Variants in MFSD2A observed in about 807,000 individuals in gnomAD.
The protein encoded by MFSD2A is sodium-dependent lysophosphatidylcholine symporter 1.
A neutral mutation model predicts 64.7 loss-of-function variants in MFSD2A; 27 were observed. That is an observed-to-expected ratio of 0.42 (90% confidence interval 0.31 to 0.58). The LOEUF is 0.58. Ranked by LOEUF, MFSD2A falls within the 20% of genes least tolerant of loss-of-function variation. The probability of loss-of-function intolerance (pLI) is 0.18; values close to 1 mark genes in which losing one functional copy is unlikely to be tolerated. For missense variants in MFSD2A, 474 were observed against 679.5 expected (o/e 0.70, Z 3.36); for synonymous variants, 258 against 273.4 (o/e 0.94, Z 0.55).
In MFSD2A at chr1:39,968,328, G is replaced by A. The variant is rs1645207643; in HGVS notation, c.1209-6G>A. The A allele has an allele frequency of 9.9e-6, 16 of 1,614,118 alleles. No individual in the cohort carries two copies. Among genetic ancestry groups the A allele is most frequent in the Non-Finnish European group, 1.4e-5 (16 of 1,180,010 alleles). ...CAGTCCTCATGGCTGTCACTACTCTGCGCAGGTCCATGCTGCCTGATGTCA... is the reference window on the plus strand; with the variant it reads ...CAGTCCTCATGGCTGTCACTACTCTACGCAGGTCCATGCTGCCTGATGTCA... On this transcript the variant is annotated splice_region_variant and splice_polypyrimidine_tract_variant and intron_variant, in intron 11 of 13. Coordinates refer to ENST00000372811, the MANE Select transcript of MFSD2A (RefSeq NM_032793.5). The surrounding 1 kb of genome is among the most constrained non-coding windows in gnomAD (Gnocchi z 4.4).
Position 39,964,939 on chromosome 1 carries a change from G to C in MFSD2A, c.354-272G>C, listed in dbSNP as rs1645125022. The C allele has an allele frequency of 7.9e-6, 4 of 505,372 alleles. No individual in the cohort carries two copies. The highest frequency in any genetic ancestry group is 1.1e-5 in the Non-Finnish European group (3 of 278,808). The allele number at this position is 505,372 out of a possible 1,614,324, so 31.3% of individuals were successfully genotyped here. On this transcript the variant is annotated intron_variant, in intron 3 of 13. Coordinates refer to ENST00000372811, the MANE Select transcript of MFSD2A (RefSeq NM_032793.5). This position sits in a 1 kb window ranked among gnomAD's most constrained non-coding sequence, Gnocchi z 4.1. The stretch of plus-strand genomic sequence containing the variant: ...TCCTGTCCTAACTCTCAGCCCATTA[G>C]AGGCTGCTGCCTCTGGACTAGACTC...
chr1:39,969,412 C>T, intron 13 of MFSD2A, 93 bp from the exon 14 acceptor site: 1 of 1,109,420 alleles, frequency 9.0e-7, no homozygotes, highest in East Asian at 2.6e-5. Context: ...AGTCCGACAG[C>T]AGGGCCAAGA....
chr1:39,962,664 C>T (rs963193660), intron 3 of MFSD2A: 116 of 786,764 alleles, frequency 1.5e-4, no homozygotes, highest in Non-Finnish European at 1.9e-4. Flanking sequence ...GGGTCATGGC[C>T]GTGGACGGGG....
chr1:39,955,945 TG>T lies in MFSD2A; in HGVS notation c.93+564del, dbSNP rs140696582. 0.18 allele frequency: 32,718 copies of T among 182,388 alleles called. 3,845 individuals are homozygous for T. The highest frequency in any genetic ancestry group is 0.25 in the Non-Finnish European group (20,955 of 84,550). 11.3% of individuals were successfully genotyped at this position (182,388 alleles called of 1,614,324 possible). ...AGACCATCGACCACATCCCCAGCCC[TG>T]GGGACTTATTGAAGGACCAAATAAA... On this transcript the variant is annotated intron_variant, in intron 1 of 13. Coordinates refer to ENST00000372811, the MANE Select transcript of MFSD2A (RefSeq NM_032793.5). The surrounding 1 kb of genome is among the most constrained non-coding windows in gnomAD (Gnocchi z 5.9).
rs202159184 is a variant in MFSD2A, at chr1:39,968,543, G to A, written c.1353-26G>A. 1,185 of 1,613,788 alleles carry A rather than the reference G, an allele frequency of 7.3e-4. 6 individuals carry two copies. Among genetic ancestry groups the A allele is most frequent in the East Asian group, 3.8e-4 (17 of 44,860 alleles). On this transcript the variant is annotated intron_variant, in intron 12 of 13. Coordinates refer to ENST00000372811, the MANE Select transcript of MFSD2A (RefSeq NM_032793.5). The surrounding 1 kb of genome is among the most constrained non-coding windows in gnomAD (Gnocchi z 4.4). ...AGGCCCCAGGTGCCCCATCTTCACC[G>A]TTCTCCTACCCCCTGGGTCCCATAG...
At position 39,965,769 on chromosome 1, in the gene MFSD2A, C is replaced by T. The variant is rs896903352; in HGVS notation, c.557-88C>T. Reference sequence around the variant, plus strand: ...CTACCTCTACCCACCCTGCCTGGAGCTACCGCTGGGCTCCCACCCATTTGA... The same window carrying T: ...CTACCTCTACCCACCCTGCCTGGAGTTACCGCTGGGCTCCCACCCATTTGA... On this transcript the variant is annotated intron_variant, in intron 5 of 13. Coordinates refer to ENST00000372811, the MANE Select transcript of MFSD2A (RefSeq NM_032793.5). The surrounding 1 kb of genome is among the most constrained non-coding windows in gnomAD (Gnocchi z 5.5). The T allele has an allele frequency of 6.5e-7, 1 of 1,542,732 alleles. No homozygotes were observed.
chr1:39,959,742 G>A (rs1332102673), intron 3 of MFSD2A, among the ~76,000 whole-genome samples: 1 of 151,964 alleles, frequency 6.6e-6, no homozygotes, highest in Non-Finnish European at 1.5e-5. Flanking sequence ...TCATAAGGTT[G>A]ATGTAATTTT....
Position 39,968,798 on chromosome 1 carries a change from C to A in MFSD2A, c.1529+53C>A, listed in dbSNP as rs1645220544. Reference sequence around the variant, plus strand: ...AGGAGGGGACGTCACTGTGTCTAAACCCTCAATTTGTGTCTCCTGTGGCCA... The same window carrying A: ...AGGAGGGGACGTCACTGTGTCTAAAACCTCAATTTGTGTCTCCTGTGGCCA... On this transcript the variant is annotated intron_variant, in intron 13 of 13. Coordinates refer to ENST00000372811, the MANE Select transcript of MFSD2A (RefSeq NM_032793.5). This position sits in a 1 kb window ranked among gnomAD's most constrained non-coding sequence, Gnocchi z 4.4. The A allele has an allele frequency of 3.8e-6, 6 of 1,595,746 alleles. No homozygotes were observed. The highest frequency in any genetic ancestry group is 5.1e-6 in the Non-Finnish European group (6 of 1,170,010).
chr1:39,969,068 T>C (rs1570265148), intron 13 of MFSD2A, among the ~76,000 whole-genome samples: 1 of 152,078 alleles, frequency 6.6e-6, no homozygotes, highest in East Asian at 1.9e-4. Flanking sequence ...GTTCTTAGGG[T>C]TCCCCCTCTG....
intron 6 of MFSD2A, among the ~76,000 whole-genome samples, 172 bp from the exon 7 acceptor site, chr1:39,966,429 C>G (rs1236970639): frequency 1.3e-5 from 2 of 152,136 alleles, no homozygotes; most frequent in Non-Finnish European, 2.9e-5. Flanking sequence ...AACTGTCCAG[C>G]CTTGGGAAGC....
Position 39,969,508 on chromosome 1 carries a change from C to T in MFSD2A, c.1533C>T (p.Asp511=), listed in dbSNP as rs138442381. The T allele has an allele frequency of 1.8e-4, 287 of 1,597,914 alleles. 1 individual carries two copies. The African/African-American group carries it at 2.0e-3, about 11-fold the overall frequency. Residue 511 remains aspartate (D), a synonymous_variant, in exon 14 of 14, where the codon GAC becomes GAT. Transcript: ENST00000372811. ...QNKKALQALR[D]EASSSGCSET... Reference sequence around the variant, plus strand: ...CCATCTCCTCTCTCTCTTGCAGGGACGAGGCCAGCAGCTCTGGCTGCTCAG... The same window carrying T: ...CCATCTCCTCTCTCTCTTGCAGGGATGAGGCCAGCAGCTCTGGCTGCTCAG...
In MFSD2A at chr1:39,965,582, C is replaced by T. The variant is rs1203698383; in HGVS notation, c.556+33C>T. The T allele has an allele frequency of 1.2e-6, 2 of 1,602,736 alleles. No homozygotes were observed. The highest frequency in any genetic ancestry group is 1.7e-6 in the Non-Finnish European group (2 of 1,169,932). ...TCCCCAGCCCACCTGACCCCACCCT[C>T]CAGGGACCCTCCAGCCATACTTCTT... On this transcript the variant is annotated intron_variant, in intron 5 of 13. Coordinates refer to ENST00000372811, the MANE Select transcript of MFSD2A (RefSeq NM_032793.5). The surrounding 1 kb of genome is among the most constrained non-coding windows in gnomAD (Gnocchi z 5.5).
chr1:39,961,351 T>G (rs1381584819), intron 3 of MFSD2A, among the ~76,000 whole-genome samples: 5 of 43,730 alleles, frequency 1.1e-4, no homozygotes, highest in African/African-American at 4.5e-4. Context: ...CCCCCGCTTT[T>G]TTTGTTTGTT....
Position 39,955,414 on chromosome 1 carries a change from C to T in MFSD2A, c.93+29C>T, listed in dbSNP as rs1184026698. ...AGGGCCCGGCACCCCGCGTGGAGGGCGAGGGGAGGGAGGAGGCGGAAATGG... is the reference window on the plus strand; with the variant it reads ...AGGGCCCGGCACCCCGCGTGGAGGGTGAGGGGAGGGAGGAGGCGGAAATGG... On this transcript the variant is annotated intron_variant, in intron 1 of 13. Transcript: ENST00000372811. The surrounding 1 kb of genome is among the most constrained non-coding windows in gnomAD (Gnocchi z 5.9). The T allele has an allele frequency of 1.3e-6, 2 of 1,505,048 alleles. No homozygotes were observed. The highest frequency in any genetic ancestry group is 2.2e-5 in the Admixed American group (1 of 44,534). 93.2% of individuals were successfully genotyped at this position (1,505,048 alleles called of 1,614,324 possible). A position where few individuals can be genotyped will look rare whatever the true frequency, so the allele number is the denominator to read the frequency against.
chr1:39,963,458 T>G lies in MFSD2A; in HGVS notation c.354-1753T>G. 1 of 541,974 alleles carries G rather than the reference T, an allele frequency of 1.8e-6. No homozygotes were observed. The allele number at this position is 541,974 out of a possible 1,614,324, so 33.6% of individuals were successfully genotyped here. On this transcript the variant is annotated intron_variant, in intron 3 of 13. Coordinates refer to ENST00000372811, the MANE Select transcript of MFSD2A (RefSeq NM_032793.5). The surrounding 1 kb of genome is among the most constrained non-coding windows in gnomAD (Gnocchi z 4.2). ...TTAAGCCTGTTAAAAAAAAAATGTT[T>G]ACGAGACAGAGTCTTGCTATGTTGC...
rs1194438118 is a variant in MFSD2A, at chr1:39,960,131, G to A, written c.353+1306G>A. ...ACTCAGCTTCAGGGGCAAAGTAGGC[G>A]GAGGTGGTGCCACGGATCGGATCAG... On this transcript the variant is annotated intron_variant, in intron 3 of 13. Transcript: ENST00000372811. This position sits in a 1 kb window ranked among gnomAD's most constrained non-coding sequence, Gnocchi z 4.8. Among the ~76,000 whole-genome samples, 1 of 152,250 alleles carries A rather than the reference G, an allele frequency of 6.6e-6. No homozygotes were observed. Among genetic ancestry groups the A allele is most frequent in the Non-Finnish European group, 1.5e-5 (1 of 68,024 alleles).
At position 39,968,324 on chromosome 1, in the gene MFSD2A, C is replaced by T; in HGVS notation, c.1209-10C>T. ...GGGTCAGTCCTCATGGCTGTCACTA[C>T]TCTGCGCAGGTCCATGCTGCCTGAT... On this transcript the variant is annotated splice_polypyrimidine_tract_variant and intron_variant, in intron 11 of 13. Transcript: ENST00000372811. This position sits in a 1 kb window ranked among gnomAD's most constrained non-coding sequence, Gnocchi z 4.4. The T allele has an allele frequency of 6.2e-7, 1 of 1,614,180 alleles. No individual in the cohort carries two copies. Among genetic ancestry groups the T allele is most frequent in the Non-Finnish European group, 8.5e-7 (1 of 1,180,024 alleles).
chr1:39,962,256 C>G (rs12075704), intron 3 of MFSD2A, among the ~76,000 whole-genome samples: 6,604 of 152,238 alleles, frequency 0.043, 482 homozygotes, highest in African/African-American at 0.15. Flanking sequence ...CTGACTATTC[C>G]CTTTGCCCGG....
chr1:39,961,870 G>C (rs1418704859), intron 3 of MFSD2A, among the ~76,000 whole-genome samples: 1 of 152,176 alleles, frequency 6.6e-6, no homozygotes, highest in Admixed American at 6.5e-5. Flanking sequence ...GTGTGTGAGA[G>C]ACCAGATGTC....
Sources: allele counts gnomAD v4.1 joint callset (sites outside exome capture counted in the v4.1 genomes callset), GRCh38; gene constraint gnomAD v4.1.1; non-coding constraint Gnocchi (gnomAD v3.1); transcripts MANE v1.5; gene names NCBI Gene and HGNC (gene_info 2026-07-23, HGNC 2026-07-21).